The following AADAT variants were observed in gnomAD, a reference collection of about 807,000 sequenced individuals.
AADAT encodes kynurenine/alpha-aminoadipate aminotransferase, mitochondrial.
A neutral mutation model predicts 56.2 loss-of-function variants in AADAT; 25 were observed. That is an observed-to-expected ratio of 0.44 (90% CI 0.32 to 0.62). The LOEUF (loss-of-function observed/expected upper bound fraction) is 0.62, where lower values mean the gene tolerates loss of function less well. Among genes scored for constraint, AADAT ranks in the 20% least tolerant of loss-of-function variants. The probability of loss-of-function intolerance (pLI) is 0.04; values close to 1 mark genes in which losing one functional copy is unlikely to be tolerated. For synonymous variants in AADAT, 173 were observed against 164.7 expected, an observed-to-expected ratio of 1.05 and a Z score of -0.39; for missense variants, 387 against 510.5, an observed-to-expected ratio of 0.76 and a Z score of 2.33.
chr4:170,060,960 C>A lies in AADAT; in HGVS notation c.1246G>T (p.Val416Leu). 7.2e-6 allele frequency: 11 copies of A among 1,532,572 alleles called. No homozygotes were observed. Among genetic ancestry groups the A allele is most frequent in the Non-Finnish European group, 7.9e-6 (9 of 1,138,606 alleles). The allele number at this position is 1,532,572 out of a possible 1,614,324, so 94.9% of individuals were successfully genotyped here. The change falls in exon 13 of 13, where the codon GTA becomes TTA. Residue 416 changes from valine to leucine, a missense_variant. Val to Leu is a conservative substitution (Grantham distance 32). Transcript: ENST00000337664. ...SPEQMDVAFQVLAQLIKESL is the reference protein window; with the variant it reads ...SPEQMDVAFQLLAQLIKESL The stretch of plus-strand genomic sequence containing the variant: ...GATTCTTTTATAAGTTGTGCTAATA[C>A]CTGGAAGGCCTAAAACAGAAAAAAA...
chr4:170,080,843 A>G (rs1732261545), intron 3 of AADAT, among the ~76,000 whole-genome samples: 1 of 152,182 alleles, frequency 6.6e-6, no homozygotes, highest in Non-Finnish European at 1.5e-5. Context: ...AAATCAAACA[A>G]ACAAACAAAA....
intron 4 of AADAT, among the ~76,000 whole-genome samples, chr4:170,075,392 T>C (rs771464438): frequency 5.3e-5 from 8 of 152,214 alleles, no homozygotes; most frequent in Non-Finnish European, 7.3e-5. Context: ...TGAAGTGCAG[T>C]GGTGCAATTA....
chr4:170,086,937 A>G (rs1450524932), intron 3 of AADAT, among the ~76,000 whole-genome samples, 179 bp downstream of exon 3: 1 of 152,062 alleles, frequency 6.6e-6, no homozygotes, highest in African/African-American at 2.4e-5. Flanking sequence ...CCCGGCCACA[A>G]CTGCTCCCAC....
chr4:170,063,517 A>C (rs998353602), intron 11 of AADAT, among the ~76,000 whole-genome samples: 5 of 152,238 alleles, frequency 3.3e-5, no homozygotes, highest in African/African-American at 1.2e-4. Flanking sequence ...TATTTGAAGT[A>C]AGTCAATTGT....
chr4:170,066,572 T>C, intron 9 of AADAT, 94 bp from the exon 10 acceptor site: 1 of 894,508 alleles, frequency 1.1e-6, no homozygotes, highest in South Asian at 1.4e-5. Context: ...ATTTGTTTTC[T>C]ATCTTGATTA....
At chr4:170,092,586 C>T (rs924629289), upstream of AADAT, among the ~76,000 whole-genome samples, 2 of 152,220 alleles carry the variant, frequency 1.3e-5, no homozygotes, top group Admixed American at 6.5e-5. Flanking sequence ...GGCACAGTAT[C>T]TAGTAAACCT....
At chr4:170,072,556 A>G (rs1419069569) in intron 5 of AADAT, among the ~76,000 whole-genome samples, 3 of 152,230 alleles carry the variant, frequency 2.0e-5, no homozygotes, top group African/African-American at 4.8e-5. Context: ...TATTTATTTT[A>G]AAAAGCTATT....
chr4:170,070,788 G>A (rs1027742423), intron 5 of AADAT, 136 bp from the exon 6 acceptor site: 40 of 604,100 alleles, frequency 6.6e-5, no homozygotes, highest in African/African-American at 6.4e-4. Context: ...CTTAGACAAC[G>A]AGGATAAAAA....
chr4:170,087,175 G>T lies in AADAT; in HGVS notation c.310C>A (p.Pro104Thr). Residue 104 changes from proline (P) to threonine (T), a missense_variant, in exon 3 of 13, where the codon CCC becomes ACC. By Grantham distance (38) the Pro-to-Thr change is conservative. Transcript: ENST00000337664. ...CATAGATCCATTTGTCCTTGACTGG[G>T]TGGGTAATGGATGGTAGGAGGATTA... ...LHNPPTIHYP[P>T]SQGQMDLCVT... The T allele has an allele frequency of 6.2e-7, 1 of 1,614,124 alleles. No individual in the cohort carries two copies. Among genetic ancestry groups the T allele is most frequent in the Non-Finnish European group, 8.5e-7 (1 of 1,179,996 alleles).
chr4:170,081,808 GGGATTACA>G (rs1732329663), intron 3 of AADAT, among the ~76,000 whole-genome samples: 1 of 152,146 alleles, frequency 6.6e-6, no homozygotes, highest in South Asian at 2.1e-4. Flanking sequence ...CCAAAGAGCT[GGGATTACA>G]GGCGTGAGCT....
At chr4:170,092,182 CTTTTGCAGCGTGTGGTGG>C (rs1269716001), upstream of AADAT, among the ~76,000 whole-genome samples, 1 of 152,238 alleles carries the variant, frequency 6.6e-6, no homozygotes, top group African/African-American at 2.4e-5. Context: ...CGCTTGGATA[CTTTTGCAGCGTGTGGTGG>C]TTTTGTTTTC....
rs915818606 is a variant in AADAT at position 170,060,704 on chromosome 4, A to C, written c.*224T>G. ...CCTGCCAAAACAAGAAATTTATTGG[A>C]AAAATCCATGAGCAGCATGATTAGT... On this transcript the variant is annotated 3_prime_UTR_variant, in exon 13 of 13. Coordinates refer to ENST00000337664, the MANE Select transcript of AADAT (RefSeq NM_016228.4). 5.4e-6 allele frequency: 2 copies of C among 372,416 alleles called. No individual in the cohort carries two copies. Among genetic ancestry groups the C allele is most frequent in the African/African-American group, 4.2e-5 (2 of 47,700 alleles). 23.1% of individuals were successfully genotyped at this position (372,416 alleles called of 1,614,324 possible).
chr4:170,062,147 G>A lies in AADAT; in HGVS notation c.1135-154C>T, dbSNP rs546201219. ...AAATACTAATTTATATAAAAATTGC[G>A]TATGTCATACAATGAACAAAACTAA... On this transcript the variant is annotated intron_variant, in intron 11 of 12. Transcript: ENST00000337664. 3.9e-5 allele frequency among the ~76,000 whole-genome samples: 6 copies of A among 152,260 alleles called. No homozygotes were observed. The East Asian group carries it at 5.8e-4, about 15-fold the overall frequency.
chr4:170,080,726 AC>A (rs1732257814), intron 3 of AADAT, among the ~76,000 whole-genome samples: 1 of 152,168 alleles, frequency 6.6e-6, no homozygotes, highest in African/African-American at 2.4e-5. Flanking sequence ...TATTTACTAA[AC>A]CTGGACTTAA....
upstream of AADAT, among the ~76,000 whole-genome samples, chr4:170,091,425 C>A (rs143078293): frequency 2.6e-5 from 4 of 152,206 alleles, no homozygotes; most frequent in African/African-American, 9.6e-5. Context: ...GGCTCACCGG[C>A]GCTACCTTCG....
At chr4:170,084,637 A>G (rs1234382371) in intron 3 of AADAT, among the ~76,000 whole-genome samples, 5 of 152,158 alleles carry the variant, frequency 3.3e-5, no homozygotes, top group Non-Finnish European at 7.3e-5. Context: ...TTAACAACCC[A>G]CATCTCACCA....
chr4:170,073,463 C>A, intron 4 of AADAT, 118 bp from the exon 5 acceptor site: 1 of 857,274 alleles, frequency 1.2e-6, no homozygotes, highest in Non-Finnish European at 1.8e-6. Flanking sequence ...AATATATAAA[C>A]CCGCAACCAG....
intron 4 of AADAT, among the ~76,000 whole-genome samples, chr4:170,075,537 G>A (rs1284218675): frequency 6.6e-6 from 1 of 152,192 alleles, no homozygotes; most frequent in Admixed American, 6.5e-5. Context: ...TCGAACTCCT[G>A]ACCTCAAGTA....
Position 170,062,002 on chromosome 4 carries a change from G to A in AADAT, c.1135-9C>T, listed in dbSNP as rs758742764. ...CCAGGGAGCATTAATACCTAAGAGA[G>A]TTTGTGGAAGATAAGTAATGTACCA... On this transcript the variant is annotated splice_polypyrimidine_tract_variant and intron_variant, in intron 11 of 12. Transcript: ENST00000337664. The A allele has an allele frequency of 1.1e-5, 17 of 1,590,844 alleles. No individual in the cohort carries two copies. The highest frequency in any genetic ancestry group is 2.2e-5 in the South Asian group (2 of 90,066).
Sources: allele counts gnomAD v4.1 joint callset (sites outside exome capture counted in the v4.1 genomes callset), GRCh38; gene constraint gnomAD v4.1.1; transcripts MANE v1.5; gene names NCBI Gene and HGNC (gene_info 2026-07-23, HGNC 2026-07-21).